Variants in DENND1A observed in about 807,000 individuals in gnomAD.
The protein encoded by DENND1A is DENN domain-containing protein 1A.
Under a neutral mutation model 113.7 loss-of-function variants are expected in DENND1A, and 51 were observed. The ratio of observed to expected loss-of-function variants is 0.45; its 90% confidence interval spans 0.36 to 0.57. The LOEUF (loss-of-function observed/expected upper bound fraction) is 0.57, where lower values mean the gene tolerates loss of function less well. Ranked by LOEUF, DENND1A falls within the 20% of genes least tolerant of loss-of-function variation. The pLI is 0.00. For missense variants in DENND1A, 1,258 were observed against 1,395.9 expected (o/e 0.90, Z 1.57); for synonymous variants, 565 against 570.8 (o/e 0.99, Z 0.14).
At chr9:123,576,449 G>A (rs1205746131) in intron 12 of DENND1A, among the ~76,000 whole-genome samples, 1 of 152,074 alleles carries the variant, frequency 6.6e-6, no homozygotes, top group South Asian at 2.1e-4. Flanking sequence ...TTGTAGTGCA[G>A]GTCTGCTGAC....
intron 2 of DENND1A, among the ~76,000 whole-genome samples, chr9:123,867,390 A>G (rs951081242): frequency 4.6e-5 from 7 of 152,204 alleles, no homozygotes; most frequent in Admixed American, 1.3e-4. Context: ...TAGAAGTGTG[A>G]TAATAAGACC....
intron 11 of DENND1A, among the ~76,000 whole-genome samples, chr9:123,587,519 G>A (rs535280894): frequency 2.0e-5 from 3 of 152,130 alleles, no homozygotes; most frequent in Non-Finnish European, 4.4e-5. Flanking sequence ...AAGAGCCGTG[G>A]CAAGATGAGG....
chr9:123,519,821 G>A (rs2054242125), intron 13 of DENND1A, among the ~76,000 whole-genome samples: 1 of 152,066 alleles, frequency 6.6e-6, no homozygotes, highest in Admixed American at 6.5e-5. Flanking sequence ...TGGCACTGGA[G>A]GAGAAGTCAC....
intron 19 of DENND1A, among the ~76,000 whole-genome samples, chr9:123,416,265 C>T (rs2044718277): frequency 6.6e-6 from 1 of 152,130 alleles, no homozygotes; most frequent in Admixed American, 6.5e-5. Flanking sequence ...CGCTGGTGCT[C>T]CTGCCCTTGC....
intron 1 of DENND1A, among the ~76,000 whole-genome samples, chr9:123,905,282 G>A (rs1479622717): frequency 4.0e-5 from 6 of 151,640 alleles, no homozygotes; most frequent in Non-Finnish European, 8.8e-5. Flanking sequence ...TCGAGACTAG[G>A]AAGAAACTGC....
At chr9:123,481,782 CT>C (rs2050355134) in intron 13 of DENND1A, among the ~76,000 whole-genome samples, 1 of 149,968 alleles carries the variant, frequency 6.7e-6, no homozygotes, top group South Asian at 2.1e-4. Context: ...TGCATATTGT[CT>C]TTTTTCTTTC....
At chr9:123,882,182 C>T (rs1848407609) in intron 1 of DENND1A, among the ~76,000 whole-genome samples, 2 of 152,092 alleles carry the variant, frequency 1.3e-5, no homozygotes, top group Admixed American at 1.3e-4. Context: ...CTCCAGACTC[C>T]CTTACCCAGC....
At chr9:123,815,644 A>C (rs972912122) in intron 2 of DENND1A, among the ~76,000 whole-genome samples, 9 of 152,220 alleles carry the variant, frequency 5.9e-5, no homozygotes, top group Non-Finnish European at 1.3e-4. Flanking sequence ...GGAAGGGGTA[A>C]AAATATTAAT....
chr9:123,483,034 A>T (rs918693769), intron 13 of DENND1A, among the ~76,000 whole-genome samples: 1 of 152,218 alleles, frequency 6.6e-6, no homozygotes, highest in African/African-American at 2.4e-5. Flanking sequence ...CAGTGAGGCC[A>T]GTGATCTGCC....
intron 1 of DENND1A, among the ~76,000 whole-genome samples, chr9:123,918,883 T>A (rs1370775128): frequency 6.6e-6 from 1 of 152,130 alleles, no homozygotes; most frequent in Non-Finnish European, 1.5e-5. Flanking sequence ...TCACCACTTT[T>A]AAAATATTCT....
intron 3 of DENND1A, among the ~76,000 whole-genome samples, chr9:123,774,488 T>C (rs540552028): frequency 3.3e-4 from 51 of 152,274 alleles, no homozygotes; most frequent in African/African-American, 1.2e-3. Flanking sequence ...AAATAAAATT[T>C]TTCTCCTTCA....
Position 123,707,720 on chromosome 9 carries a change from A to T in DENND1A, c.303-30931T>A, listed in dbSNP as rs547866056. Among the ~76,000 whole-genome samples the T allele has an allele frequency of 2.6e-5, 4 of 152,350 alleles. No individual in the cohort carries two copies. The East Asian group carries it at 5.8e-4, about 22-fold the overall frequency. ...CTGATTGGAATGACTTCAGTGGAGA[A>T]CTGACGACAACAAATTCAGCAACTT... On this transcript the variant is annotated intron_variant, in intron 5 of 23. Coordinates refer to ENST00000394215, the MANE Select transcript of DENND1A (RefSeq NM_001352964.2).
At chr9:123,466,132 G>C (rs556990368) in intron 13 of DENND1A, among the ~76,000 whole-genome samples, 1 of 152,212 alleles carries the variant, frequency 6.6e-6, no homozygotes, top group South Asian at 2.1e-4. Flanking sequence ...CTGAGTAGCT[G>C]GGACTACAGG....
chr9:123,777,616 C>T (rs549519291), intron 3 of DENND1A, among the ~76,000 whole-genome samples: 8 of 152,292 alleles, frequency 5.3e-5, no homozygotes, highest in African/African-American at 1.7e-4. Flanking sequence ...CATCAGTTAA[C>T]AAGGCATATT....
intron 19 of DENND1A, among the ~76,000 whole-genome samples, chr9:123,426,577 A>G (rs2045749528): frequency 6.6e-6 from 1 of 152,188 alleles, no homozygotes; most frequent in Non-Finnish European, 1.5e-5. Context: ...CATCTAAGGG[A>G]AGGGAGGACC....
chr9:123,517,714 C>T (rs1034586757), intron 13 of DENND1A, among the ~76,000 whole-genome samples: 1 of 152,022 alleles, frequency 6.6e-6, no homozygotes, highest in Non-Finnish European at 1.5e-5. Context: ...CAAATTCAAG[C>T]AGAGGAATTG....
rs1564512324 is a variant in DENND1A, at chr9:123,450,742, T to G, written c.1307A>C (p.Asp436Ala). ...CTCTTTTATTCCCATTTTTGCATGA[T>G]CTTTTGCCTGCATGAAAAATTAATT... ...AMKTVYKFAK[D>A]HAKMGIKEVK... The change falls in exon 18 of 24, where the codon GAT becomes GCT. Residue 436 changes from aspartate (D) to alanine (A), a missense_variant. Coordinates refer to ENST00000394215, the MANE Select transcript of DENND1A (RefSeq NM_001352964.2). The G allele has an allele frequency of 1.2e-6, 2 of 1,610,856 alleles. No individual in the cohort carries two copies. The highest frequency in any genetic ancestry group is 8.5e-7 in the Non-Finnish European group (1 of 1,179,206).
chr9:123,760,219 CT>C (rs1447545123), intron 4 of DENND1A, among the ~76,000 whole-genome samples: 1 of 152,104 alleles, frequency 6.6e-6, no homozygotes, highest in Non-Finnish European at 1.5e-5. Context: ...GTTTACCAAG[CT>C]TTTTCCAAAG....
At chr9:123,677,161 A>G (rs2064130384) in intron 5 of DENND1A, among the ~76,000 whole-genome samples, 1 of 151,014 alleles carries the variant, frequency 6.6e-6, no homozygotes, top group Non-Finnish European at 1.5e-5. Context: ...TGGGACAGAC[A>G]CAGACACAGA....
Sources: allele counts gnomAD v4.1 joint callset (sites outside exome capture counted in the v4.1 genomes callset), GRCh38; gene constraint gnomAD v4.1.1; transcripts MANE v1.5; gene names NCBI Gene and HGNC (gene_info 2026-07-23, HGNC 2026-07-21).